Variants in IARS2 observed in about 807,000 individuals in gnomAD.
IARS2 encodes isoleucine--tRNA ligase, mitochondrial.
A neutral mutation model predicts 126.3 loss-of-function variants in IARS2; 56 were observed. That is an observed-to-expected ratio of 0.44 (90% CI 0.36 to 0.55). The LOEUF is 0.55. IARS2 is among the 20% of genes least tolerant of loss of function. IARS2 has a pLI of 0.00. For synonymous variants in IARS2, 407 were observed against 441.1 expected, an observed-to-expected ratio of 0.92 and a Z score of 0.97; for missense variants, 1,127 against 1,245.9, an observed-to-expected ratio of 0.90 and a Z score of 1.44.
Position 220,136,905 on chromosome 1 carries a change from A to T in IARS2, c.2043A>T (p.Gly681=), listed in dbSNP as rs769533488. The T allele has an allele frequency of 1.9e-6, 3 of 1,573,806 alleles. No homozygotes were observed. The highest frequency in any genetic ancestry group is 2.3e-5 in the South Asian group (2 of 88,112). ...NVIHPDVVVN[G]GQDQSKEPPY... is the part of the protein sequence containing the mutation. ...TTCATCCTGATGTTGTCGTTAATGG[A>T]GGACAAGTAGGTGATTCTCTAAAAT... The change falls in exon 16 of 23, where the codon GGA becomes GGT. Residue 681 remains glycine (G), a synonymous_variant. Coordinates refer to ENST00000366922, the MANE Select transcript of IARS2 (RefSeq NM_018060.4).
chr1:220,141,725 C>T, intron 19 of IARS2, 78 bp from the exon 20 acceptor site: 1 of 1,430,636 alleles, frequency 7.0e-7, no homozygotes, highest in South Asian at 1.3e-5. Flanking sequence ...GGAATAAACT[C>T]AACCTGAGGC....
chr1:220,111,029 A>G, intron 11 of IARS2, 92 bp downstream of exon 11: 1 of 1,144,014 alleles, frequency 8.7e-7, no homozygotes, highest in Non-Finnish European at 1.3e-6. Context: ...TTTCAGGAGT[A>G]ATAGGGATTG....
intron 21 of IARS2, chr1:220,144,082 T>G: frequency 1.7e-6 from 2 of 1,146,744 alleles, no homozygotes; most frequent in Non-Finnish European, 1.3e-6. Context: ...CAGATTATTT[T>G]GCCATTTTTC....
chr1:220,134,036 C>G lies in IARS2; in HGVS notation c.1838-366C>G, dbSNP rs569288776. On this transcript the variant is annotated intron_variant, in intron 14 of 22. Coordinates refer to ENST00000366922, the MANE Select transcript of IARS2 (RefSeq NM_018060.4). ...AGTTCTTGTTCTGTGTCTTTCATGA[C>G]ATTTCATGACATTGCTTGACATTCA... 1.3e-3 allele frequency among the ~76,000 whole-genome samples: 196 copies of G among 151,872 alleles called. No homozygotes were observed. In the Middle Eastern group the frequency reaches 0.014, roughly 11 times the overall value.
chr1:220,107,349 C>A (rs559115531), intron 10 of IARS2, among the ~76,000 whole-genome samples, 198 bp downstream of exon 10: 1 of 152,282 alleles, frequency 6.6e-6, no homozygotes, highest in Non-Finnish European at 1.5e-5. Flanking sequence ...CAAGTCAGGG[C>A]AGTCAACAGG....
chr1:220,094,420 G>C lies in IARS2; in HGVS notation c.204G>C (p.Gln68His). Residue 68 changes from glutamine (Q) to histidine (H), a missense_variant, in exon 1 of 23, where the codon CAG becomes CAC. Physicochemically the swap from Gln to His is conservative, Grantham distance 24 (BLOSUM62 0). Transcript: ENST00000366922. Reference protein sequence around the residue: ...GRYRDTVLLPQTSFPMKLLGR... With the variant: ...GRYRDTVLLPHTSFPMKLLGR... ...ACCGGGACACGGTGCTGCTGCCGCAGACGAGCTTCCCCATGAAGCTGCTGG... is the reference window on the plus strand; with the variant it reads ...ACCGGGACACGGTGCTGCTGCCGCACACGAGCTTCCCCATGAAGCTGCTGG... The C allele has an allele frequency of 6.2e-7, 1 of 1,611,948 alleles. No individual in the cohort carries two copies. Among genetic ancestry groups the C allele is most frequent in the Non-Finnish European group, 8.5e-7 (1 of 1,179,474 alleles).
At chr1:220,120,612 A>G (rs938662778) in intron 12 of IARS2, among the ~76,000 whole-genome samples, 1 of 152,086 alleles carries the variant, frequency 6.6e-6, no homozygotes, top group Admixed American at 6.6e-5. Context: ...CTTAGCTCAA[A>G]TGATCCACCT....
intron 12 of IARS2, among the ~76,000 whole-genome samples, chr1:220,121,463 C>T (rs1657049747): frequency 6.6e-6 from 1 of 152,040 alleles, no homozygotes; most frequent in Non-Finnish European, 1.5e-5. Context: ...TTTACGGTTG[C>T]TTTAATAACA....
At chr1:220,095,516 A>G (rs1430703662) in intron 1 of IARS2, among the ~76,000 whole-genome samples, 2 of 152,262 alleles carry the variant, frequency 1.3e-5, no homozygotes, top group African/African-American at 4.8e-5. Flanking sequence ...TCTGTATGCC[A>G]GAAAGAGTGA....
intron 1 of IARS2, among the ~76,000 whole-genome samples, chr1:220,095,796 A>G (rs1221578323): frequency 1.3e-5 from 2 of 152,252 alleles, no homozygotes; most frequent in African/African-American, 2.4e-5. Flanking sequence ...GGAGTGAAGC[A>G]TGGGGAGTGA....
rs1657437070 is a variant in IARS2, at chr1:220,139,038, A to G, written c.2206A>G (p.Asn736Asp). The change falls in exon 18 of 23, where the codon AAT becomes GAT. Residue 736 changes from asparagine to aspartate, a missense_variant. Asn to Asp is a conservative substitution (Grantham distance 23). Coordinates refer to ENST00000366922, the MANE Select transcript of IARS2 (RefSeq NM_018060.4). ...GAATACACTTCGCTTTCTTTTGGGA[A>G]ATGTGGCTGATTTCAACCCAGAAAC... ...LRNTLRFLLG[N>D]VADFNPETDS... 1.9e-6 allele frequency: 3 copies of G among 1,613,732 alleles called. No individual in the cohort carries two copies. In the East Asian group the frequency reaches 6.7e-5, roughly 36 times the overall value.
chr1:220,147,543 A>G lies in IARS2; in HGVS notation c.2947A>G (p.Thr983Ala). ...SSYKVIVMPT[T>A]KEKCPRCWKY... The stretch of plus-strand genomic sequence containing the variant: ...CTATAAAGTAATTGTCATGCCGACT[A>G]CGAAAGAAAAATGCCCCCGTTGTTG... The change falls in exon 23 of 23, where the codon ACG (threonine) becomes GCG (alanine). Residue 983 changes from threonine to alanine, a missense_variant. Physicochemically the swap from Thr to Ala is moderately conservative, Grantham distance 58 (BLOSUM62 0). Transcript: ENST00000366922. 1 of 1,614,164 alleles carries G rather than the reference A, an allele frequency of 6.2e-7. No homozygotes were observed. The highest frequency in any genetic ancestry group is 1.1e-5 in the South Asian group (1 of 91,090).
chr1:220,094,478 C>A lies in IARS2; in HGVS notation c.262C>A (p.Gln88Lys). 1 of 1,604,244 alleles carries A rather than the reference C, an allele frequency of 6.2e-7. No homozygotes were observed. ...GCAGCCGGACACGGAGCTGGAGATC[C>A]AGCAGGTACGGGCCCCGCCTCGGCG... ...RQQPDTELEI[Q>K]QKCGFSELYS... Residue 88 changes from glutamine (Q) to lysine (K), a missense_variant, in exon 1 of 23, where the codon CAG (glutamine) becomes AAG (lysine). Coordinates refer to ENST00000366922, the MANE Select transcript of IARS2 (RefSeq NM_018060.4).
At chr1:220,110,963 G>C in intron 11 of IARS2, 26 bp downstream of exon 11, 1 of 1,606,740 alleles carries the variant, frequency 6.2e-7, no homozygotes, top group Non-Finnish European at 8.5e-7. Flanking sequence ...TGTTTTAACA[G>C]GTCGGGCATA....
At chr1:220,114,171 A>G in intron 11 of IARS2, 143 bp from the exon 12 acceptor site, 1 of 658,920 alleles carries the variant, frequency 1.5e-6, no homozygotes. Context: ...TTAGTTCTTT[A>G]GTTGTTTTTT....
intron 2 of IARS2, among the ~76,000 whole-genome samples, chr1:220,097,349 C>T (rs1656465875): frequency 6.7e-6 from 1 of 150,240 alleles, no homozygotes; most frequent in African/African-American, 2.5e-5. Context: ...CTTCTCTTTC[C>T]CAACAGTTCT....
chr1:220,143,437 A>G (rs1657528235), intron 21 of IARS2: 1 of 214,260 alleles, frequency 4.7e-6, no homozygotes, highest in African/African-American at 2.3e-5. Context: ...CTATTTCACC[A>G]TATTCTTTTC....
rs747302058 is a variant in IARS2 at position 220,141,854 on chromosome 1, A to C, written c.2466A>C (p.Ala822=). The C allele has an allele frequency of 2.2e-5, 36 of 1,614,056 alleles. No individual in the cohort carries two copies. The highest frequency in any genetic ancestry group is 3.1e-5 in the Non-Finnish European group (36 of 1,180,026). ...NDPKRRSCQT[A]LVEILDVIVR... is the part of the protein sequence containing the mutation. ...CCAAACGACGCTCTTGTCAGACTGC[A>C]TTAGTTGAAATTTTGGATGTAATAG... The change falls in exon 20 of 23, where the codon GCA becomes GCC. Residue 822 remains alanine (A), a synonymous_variant. Coordinates refer to ENST00000366922, the MANE Select transcript of IARS2 (RefSeq NM_018060.4).
chr1:220,144,212 T>G, intron 21 of IARS2: 1 of 775,028 alleles, frequency 1.3e-6, no homozygotes, highest in Non-Finnish European at 2.3e-6. Context: ...AATTTGCCAA[T>G]GTAACCATGC....
Sources: gnomAD v4.1 joint callset for allele counts (sites outside exome capture counted in the v4.1 genomes callset) on GRCh38, gnomAD v4.1.1 for gene constraint, MANE v1.5 for transcripts, NCBI Gene and HGNC (gene_info 2026-07-23, HGNC 2026-07-21) for gene names.